MAGI3: variants seen among roughly 807,000 people sequenced by gnomAD.
The protein encoded by MAGI3 is membrane-associated guanylate kinase, WW and PDZ domain-containing protein 3.
A neutral mutation model predicts 121.8 loss-of-function variants in MAGI3; 43 were observed. The observed-to-expected ratio is 0.35, with a 90% CI of 0.28 to 0.46. MAGI3 has a LOEUF of 0.46. MAGI3 is among the 20% of genes least tolerant of loss of function. MAGI3 has a pLI of 1.00. For missense variants in MAGI3, 1,547 were observed against 1,797.3 expected, an observed-to-expected ratio of 0.86 and a Z score of 2.52; for synonymous variants, 553 against 639.3, an observed-to-expected ratio of 0.86 and a Z score of 2.04.
chr1:113,526,044 A>G (rs560370642), intron 1 of MAGI3, among the ~76,000 whole-genome samples: 16 of 152,298 alleles, frequency 1.1e-4, no homozygotes, highest in African/African-American at 3.8e-4. Context: ...TGAGTAGAAT[A>G]TTCCAAAAGA....
At chr1:113,588,682 TAACTC>T (rs1648526530) in intron 4 of MAGI3, among the ~76,000 whole-genome samples, 1 of 152,178 alleles carries the variant, frequency 6.6e-6, no homozygotes, top group African/African-American at 2.4e-5. Flanking sequence ...ATGCTGCTGA[TAACTC>T]AAGTAGGATG....
At chr1:113,413,792 G>T (rs1040442727) in intron 1 of MAGI3, among the ~76,000 whole-genome samples, 5 of 152,146 alleles carry the variant, frequency 3.3e-5, no homozygotes, top group African/African-American at 1.2e-4. Flanking sequence ...AGACGATGGG[G>T]TTTTCTAAAT....
chr1:113,404,506 G>A (rs896506041), intron 1 of MAGI3: 5 of 152,060 alleles, frequency 3.3e-5, no homozygotes, highest in Non-Finnish European at 7.4e-5. Context: ...CTATGCTTTT[G>A]AATTTCTTTA....
chr1:113,613,777 A>T (rs1014901937), intron 6 of MAGI3, among the ~76,000 whole-genome samples: 4 of 152,192 alleles, frequency 2.6e-5, no homozygotes, highest in African/African-American at 7.2e-5. Context: ...CAACTTATCC[A>T]TGTTTTACTA....
chr1:113,578,147 G>T (rs1647773147), intron 2 of MAGI3, among the ~76,000 whole-genome samples: 1 of 152,100 alleles, frequency 6.6e-6, no homozygotes. Flanking sequence ...TGTTGGCTTG[G>T]GCTCTCTTTA....
At chr1:113,639,956 A>T (rs1176303255) in intron 9 of MAGI3, among the ~76,000 whole-genome samples, 1 of 152,202 alleles carries the variant, frequency 6.6e-6, no homozygotes, top group African/African-American at 2.4e-5. Flanking sequence ...CTGGGATTAC[A>T]GGCATGAGCC....
chr1:113,407,105 A>G (rs1177719468), intron 1 of MAGI3, among the ~76,000 whole-genome samples: 2 of 152,146 alleles, frequency 1.3e-5, no homozygotes, highest in African/African-American at 4.8e-5. Flanking sequence ...TAGCCACAGT[A>G]AGGGGTTTGG....
At position 113,390,528 on chromosome 1, in the gene MAGI3, C is replaced by A. The variant is rs1364320006; in HGVS notation, c.-506C>A. Among the ~76,000 whole-genome samples the A allele has an allele frequency of 1.3e-5, 2 of 152,136 alleles. No individual in the cohort carries two copies. Among genetic ancestry groups the A allele is most frequent in the African/African-American group, 4.8e-5 (2 of 41,442 alleles). Reference sequence around the variant, plus strand: ...TTTGAAAGCGGCAGTTTCCTGGCAGCTTGGGCAGGCGTTGGTCTCCGCGCT... The same window carrying A: ...TTTGAAAGCGGCAGTTTCCTGGCAGATTGGGCAGGCGTTGGTCTCCGCGCT... On this transcript the variant is annotated 5_prime_UTR_variant, in exon 1 of 21. Transcript: ENST00000307546.
chr1:113,612,372 G>A (rs1557852232), intron 6 of MAGI3, among the ~76,000 whole-genome samples: 1 of 152,034 alleles, frequency 6.6e-6, no homozygotes, highest in Non-Finnish European at 1.5e-5. Context: ...CTGTCTTCCT[G>A]TCTAGACTAT....
chr1:113,510,355 C>CTTTTTTTTTTTTT (rs34379798), intron 1 of MAGI3, among the ~76,000 whole-genome samples: 1 of 133,412 alleles, frequency 7.5e-6, no homozygotes. Flanking sequence ...TAGGCCTTGA[C>CTTTTTTTTTTTTT]TTTTTTTTTT....
At position 113,631,363 on chromosome 1, in the gene MAGI3, A is replaced by C. The variant is rs577771569; in HGVS notation, c.1360+8369A>C. Reference sequence around the variant, plus strand: ...TAAAATTTGGTGTTTCTGTGGGGGTAGGGGGATGAGTAGTGTAGGCTTCTA... The same window carrying C: ...TAAAATTTGGTGTTTCTGTGGGGGTCGGGGGATGAGTAGTGTAGGCTTCTA... On this transcript the variant is annotated intron_variant, in intron 9 of 20. Transcript: ENST00000307546. 1.2e-4 allele frequency among the ~76,000 whole-genome samples: 19 copies of C among 152,198 alleles called. No homozygotes were observed. In the South Asian group the frequency reaches 3.9e-3, roughly 32 times the overall value.
At chr1:113,482,508 T>C (rs1474186781) in intron 1 of MAGI3, among the ~76,000 whole-genome samples, 1 of 152,016 alleles carries the variant, frequency 6.6e-6, no homozygotes, top group Non-Finnish European at 1.5e-5. Context: ...GGCTAATTTT[T>C]TTATTTTTCA....
At chr1:113,435,968 A>G (rs1392340641) in intron 1 of MAGI3, among the ~76,000 whole-genome samples, 3 of 152,146 alleles carry the variant, frequency 2.0e-5, no homozygotes, top group South Asian at 2.1e-4. Context: ...TTTGTGTCAT[A>G]TATTGTTGCA....
At chr1:113,682,408 C>G (rs1256365571) in intron 20 of MAGI3, 2 of 1,416,580 alleles carry the variant, frequency 1.4e-6, no homozygotes, top group Admixed American at 3.2e-5. Flanking sequence ...TTTCAGTCTT[C>G]TTTTGACATT....
At chr1:113,673,288 AG>A in intron 18 of MAGI3, 33 bp from the exon 19 acceptor site, 1 of 1,601,208 alleles carries the variant, frequency 6.2e-7, no homozygotes, top group Non-Finnish European at 8.5e-7. Flanking sequence ...ACAGTCCATG[AG>A]AACTTGCTTT....
chr1:113,518,995 C>T (rs765721815), intron 1 of MAGI3, among the ~76,000 whole-genome samples: 5 of 152,138 alleles, frequency 3.3e-5, no homozygotes, highest in Middle Eastern at 3.4e-3. Context: ...TTGTTTCCCC[C>T]GTTACTACGA....
At chr1:113,415,559 A>C (rs1320136809) in intron 1 of MAGI3, among the ~76,000 whole-genome samples, 1 of 151,912 alleles carries the variant, frequency 6.6e-6, no homozygotes, top group African/African-American at 2.4e-5. Flanking sequence ...TCCAGCCCCA[A>C]TATGATTCTT....
chr1:113,468,469 T>C (rs1655394082), intron 1 of MAGI3, among the ~76,000 whole-genome samples: 2 of 152,198 alleles, frequency 1.3e-5, no homozygotes, highest in African/African-American at 4.8e-5. Context: ...ACTGAAGTTT[T>C]AATTTTATTT....
intron 1 of MAGI3, chr1:113,449,577 C>G: frequency 1.6e-6 from 1 of 625,712 alleles, no homozygotes; most frequent in South Asian, 1.9e-5. Context: ...GATAAATTAT[C>G]TGCAAGTGCA....
Sources: allele counts gnomAD v4.1 joint callset (sites outside exome capture counted in the v4.1 genomes callset), GRCh38; gene constraint gnomAD v4.1.1; transcripts MANE v1.5; gene names NCBI Gene and HGNC (gene_info 2026-07-23, HGNC 2026-07-21).